Variants in MYH10 observed in about 807,000 individuals in gnomAD.
MYH10 encodes the protein myosin-10.
Under a neutral mutation model 257.8 loss-of-function variants are expected in MYH10, and 55 were observed. The observed-to-expected ratio is 0.21, with a 90% CI of 0.17 to 0.27. The LOEUF is 0.27. MYH10 is among the 10% of genes least tolerant of loss of function. The pLI, the probability that MYH10 is intolerant of heterozygous loss-of-function variation, is 1.00. For synonymous variants in MYH10, 854 were observed against 921.7 expected (o/e 0.93, Z 1.33); for missense variants, 1,631 against 2,500.6 (o/e 0.65, Z 7.42).
At chr17:8,585,034 G>A (rs1243029498) in intron 4 of MYH10, among the ~76,000 whole-genome samples, 2 of 151,604 alleles carry the variant, frequency 1.3e-5, no homozygotes, top group Non-Finnish European at 2.9e-5. Context: ...GTAGAGACGG[G>A]GTTTCTCTAT....
chr17:8,628,293 A>G (rs2085759185), intron 1 of MYH10, among the ~76,000 whole-genome samples: 1 of 152,152 alleles, frequency 6.6e-6, no homozygotes, highest in African/African-American at 2.4e-5. Context: ...CCCCCTACAG[A>G]GCCAAAGTTG....
chr17:8,547,681 C>T (rs2151954728), intron 11 of MYH10, among the ~76,000 whole-genome samples: 1 of 149,554 alleles, frequency 6.7e-6, no homozygotes. Context: ...ATAGAGATTC[C>T]TCACTTTTTC....
At chr17:8,583,206 CAT>C (rs2083773782) in intron 4 of MYH10, among the ~76,000 whole-genome samples, 1 of 152,154 alleles carries the variant, frequency 6.6e-6, no homozygotes, top group African/African-American at 2.4e-5. Context: ...CTTCCAAAGA[CAT>C]GTTCACTTTC....
intron 7 of MYH10, among the ~76,000 whole-genome samples, chr17:8,563,891 GAAA>G (rs3067096): frequency 5.6e-4 from 2 of 3,540 alleles, no homozygotes; most frequent in Non-Finnish European, 6.4e-4. Flanking sequence ...AGTCAACTTG[GAAA>G]AAAAAAAAAA....
In MYH10 at chr17:8,569,865, T is replaced by C; in HGVS notation, c.664-53A>G. 3.8e-6 allele frequency: 5 copies of C among 1,306,946 alleles called. No individual in the cohort carries two copies. The highest frequency in any genetic ancestry group is 2.4e-5 in the East Asian group (1 of 40,902). The allele number at this position is 1,306,946 out of a possible 1,614,324, so 81.0% of individuals were successfully genotyped here. A position where few individuals can be genotyped will look rare whatever the true frequency, so the allele number is the denominator to read the frequency against. On this transcript the variant is annotated intron_variant, in intron 6 of 42. Transcript: ENST00000360416. The surrounding 1 kb of genome is among the most constrained non-coding windows in gnomAD (Gnocchi z 4.1). ...AAAGCAGATGTACGTTAATCTAATG[T>C]CTTTACTCAAGTCATCAGGGGAAAA...
At chr17:8,538,298 C>T (rs959440652) in intron 14 of MYH10, among the ~76,000 whole-genome samples, 15 of 152,186 alleles carry the variant, frequency 9.9e-5, no homozygotes, top group African/African-American at 2.7e-4. Flanking sequence ...CTCCACCTCC[C>T]GGCTTCAAGC....
chr17:8,535,304 T>A lies in MYH10; in HGVS notation c.1894+83A>T. 1 of 986,490 alleles carries A rather than the reference T, an allele frequency of 1.0e-6. No individual in the cohort carries two copies. The highest frequency in any genetic ancestry group is 1.5e-6 in the Non-Finnish European group (1 of 659,512). 61.1% of individuals were successfully genotyped at this position (986,490 alleles called of 1,614,324 possible). ...TAAAGTAAGAAGTTATATGTATCCA[T>A]ATATATGTAAAAGAACCATCTATAA... On this transcript the variant is annotated intron_variant, in intron 16 of 42. Coordinates refer to ENST00000360416, the MANE Select transcript of MYH10 (RefSeq NM_001256012.3). This position sits in a 1 kb window ranked among gnomAD's most constrained non-coding sequence, Gnocchi z 4.3.
At chr17:8,546,954 G>C (rs1284616981) in intron 11 of MYH10, among the ~76,000 whole-genome samples, 2 of 152,136 alleles carry the variant, frequency 1.3e-5, no homozygotes, top group African/African-American at 4.8e-5. Context: ...ATGGAGTGTA[G>C]TGGCTATTCA....
At position 8,545,783 on chromosome 17, in the gene MYH10, G is replaced by C. The variant is rs533984312; in HGVS notation, c.1279-183C>G. On this transcript the variant is annotated intron_variant, in intron 12 of 42. Coordinates refer to ENST00000360416, the MANE Select transcript of MYH10 (RefSeq NM_001256012.3). The surrounding 1 kb of genome is among the most constrained non-coding windows in gnomAD (Gnocchi z 4.7). ...ATTAGAAGAATTAAATGAACACAGG[G>C]AATAACGAATTTGGGGGATGGGTAA... Among the ~76,000 whole-genome samples, 2 of 152,136 alleles carry C rather than the reference G, an allele frequency of 1.3e-5. No individual in the cohort carries two copies. The highest frequency in any genetic ancestry group is 2.9e-5 in the Non-Finnish European group (2 of 68,038).
rs1385468552 is a variant in MYH10 at position 8,626,661 on chromosome 17, T to C, written c.-31-3384A>G. On this transcript the variant is annotated intron_variant, in intron 1 of 42. Coordinates refer to ENST00000360416, the MANE Select transcript of MYH10 (RefSeq NM_001256012.3). ...GAAGAAAGGAGGCATGGCTTCAAGG[T>C]GGGAAACATCACAGGTAAATTTGAG... 3.4e-5 allele frequency among the ~76,000 whole-genome samples: 5 copies of C among 149,230 alleles called. No individual in the cohort carries two copies. The South Asian group carries it at 1.1e-3, about 32-fold the overall frequency.
intron 24 of MYH10, 90 bp from the exon 25 acceptor site, chr17:8,510,039 A>C: frequency 1.9e-6 from 2 of 1,076,516 alleles, no homozygotes; most frequent in Non-Finnish European, 2.3e-6. Flanking sequence ...ATGAGATACT[A>C]ATTTTTTTTT....
intron 4 of MYH10, among the ~76,000 whole-genome samples, chr17:8,587,561 T>C (rs1333554112): frequency 6.6e-6 from 1 of 152,134 alleles, no homozygotes; most frequent in South Asian, 2.1e-4. Context: ...ATCTGCCTCC[T>C]TGGCCCGTCA....
rs758425968 is a variant in MYH10 at position 8,492,467 on chromosome 17, C to G, written c.4501G>C (p.Glu1501Gln). ...GCCTCGGCTTCGGCCCGGTCCCGCTCTTCGGCATAGCGAGCAGAGATGCTC... is the reference window on the plus strand; with the variant it reads ...GCCTCGGCTTCGGCCCGGTCCCGCTGTTCGGCATAGCGAGCAGAGATGCTC... ...EKSISARYAE[E>Q]RDRAEAEARE... Residue 1501 changes from glutamate to glutamine, a missense_variant, in exon 34 of 43, where the codon GAG (glutamate) becomes CAG (glutamine). Transcript: ENST00000360416. 2.5e-6 allele frequency: 4 copies of G among 1,612,506 alleles called. No homozygotes were observed. The highest frequency in any genetic ancestry group is 3.4e-6 in the Non-Finnish European group (4 of 1,180,022).
At chr17:8,590,486 T>A (rs1229429998) in intron 3 of MYH10, among the ~76,000 whole-genome samples, 2 of 151,364 alleles carry the variant, frequency 1.3e-5, no homozygotes, top group African/African-American at 4.9e-5. Context: ...CTAATTTTTG[T>A]ATCTTTGTAG....
At chr17:8,573,866 C>T (rs932647077) in intron 6 of MYH10, 58 of 969,966 alleles carry the variant, frequency 6.0e-5, no homozygotes, top group Non-Finnish European at 6.6e-5. Flanking sequence ...GACCACACCG[C>T]TCACTAGGAT....
At chr17:8,583,835 T>C (rs2083800442) in intron 4 of MYH10, among the ~76,000 whole-genome samples, 3 of 152,172 alleles carry the variant, frequency 2.0e-5, no homozygotes, top group Admixed American at 2.0e-4. Flanking sequence ...GCAACCATTA[T>C]TTTATAATTT....
intron 2 of MYH10, among the ~76,000 whole-genome samples, chr17:8,606,297 C>T (rs886693672): frequency 2.6e-5 from 4 of 152,164 alleles, no homozygotes; most frequent in African/African-American, 9.7e-5. Context: ...ATTCTGGGCA[C>T]TACGGAAAAA....
chr17:8,492,907 C>T lies in MYH10; in HGVS notation c.4327G>A (p.Ala1443Thr). 6.2e-7 allele frequency: 1 copy of T among 1,614,130 alleles called. No homozygotes were observed. The highest frequency in any genetic ancestry group is 8.5e-7 in the Non-Finnish European group (1 of 1,180,024). Residue 1443 changes from alanine (A) to threonine (T), a missense_variant, in exon 33 of 43, where the codon GCA becomes ACA. Physicochemically the swap from Ala to Thr is moderately conservative, Grantham distance 58. This residue lies in a region of MYH10 where 463 missense variants were observed against 621.8 expected (regional missense o/e 0.74). Transcript: ENST00000360416. ...TTCTCCAGTTTGTCATACGCCAGTG[C>T]CTTCTCCTCCAGGCGCTGGCTCAGG... ...EALSQRLEEKALAYDKLEKTK... is the reference protein window; with the variant it reads ...EALSQRLEEKTLAYDKLEKTK...
intron 4 of MYH10, among the ~76,000 whole-genome samples, chr17:8,587,137 C>G (rs1392295274): frequency 6.6e-6 from 1 of 152,140 alleles, no homozygotes; most frequent in African/African-American, 2.4e-5. Context: ...GGAGAAGAAA[C>G]CAAGGCACCC....
Sources: allele counts gnomAD v4.1 joint callset (sites outside exome capture counted in the v4.1 genomes callset), GRCh38; gene constraint gnomAD v4.1.1; regional missense constraint gnomAD v4.1.1; non-coding constraint Gnocchi (gnomAD v3.1); transcripts MANE v1.5; gene names NCBI Gene and HGNC (gene_info 2026-07-23, HGNC 2026-07-21).